Variants in NPAS1 observed in about 807,000 individuals in gnomAD.
The protein encoded by NPAS1 is neuronal PAS domain-containing protein 1.
A neutral mutation model predicts 49.2 loss-of-function variants in NPAS1; 29 were observed. The ratio of observed to expected loss-of-function variants is 0.59; its 90% CI spans 0.44 to 0.80. The LOEUF is 0.80. NPAS1 is among the 30% of genes least tolerant of loss of function. The pLI is 0.00. For synonymous variants in NPAS1, 408 were observed against 380.4 expected (o/e 1.07, Z -0.84); for missense variants, 825 against 835.5 (o/e 0.99, Z 0.15).
At chr19:47,037,541 T>A (rs903540071) in intron 6 of NPAS1, among the ~76,000 whole-genome samples, 2 of 151,978 alleles carry the variant, frequency 1.3e-5, no homozygotes, top group African/African-American at 4.8e-5. Context: ...TCAGCACGCC[T>A]AACCCTTCTC....
chr19:47,030,787 G>A (rs139973832), intron 3 of NPAS1, among the ~76,000 whole-genome samples: 2,183 of 151,838 alleles, frequency 0.014, 26 homozygotes, highest in South Asian at 0.044. Context: ...CCGAGTAGCT[G>A]GAATTATAGG....
At chr19:47,035,156 G>C (rs1215574626) in intron 5 of NPAS1, among the ~76,000 whole-genome samples, 1 of 149,204 alleles carries the variant, frequency 6.7e-6, no homozygotes, top group Admixed American at 6.7e-5. Context: ...ACTCCAGCCT[G>C]GGCAACAAGA....
At chr19:47,020,592 G>A (rs1279178998) in intron 1 of NPAS1, among the ~76,000 whole-genome samples, 6 of 151,914 alleles carry the variant, frequency 3.9e-5, no homozygotes, top group Non-Finnish European at 1.5e-5. Flanking sequence ...GGCTTGGGGG[G>A]CGGGTCCTCG....
rs2056953925 is a variant in NPAS1 at position 47,036,187 on chromosome 19, G to C, written c.688+58G>C. 20 of 1,502,722 alleles carry C rather than the reference G, an allele frequency of 1.3e-5. No individual in the cohort carries two copies. In the Admixed American group the frequency reaches 2.4e-4, roughly 18 times the overall value. 93.1% of individuals were successfully genotyped at this position (1,502,722 alleles called of 1,614,324 possible). A position where few individuals can be genotyped will look rare whatever the true frequency, so the allele number is the denominator to read the frequency against. ...GAGGGTAGATCGGGGGACGCCCGCT[G>C]TACTGTATCCAGCCATGCCGCGTTT... On this transcript the variant is annotated intron_variant, in intron 6 of 11. Transcript: ENST00000602212.
chr19:47,023,696 T>C (rs2056855329), intron 3 of NPAS1, among the ~76,000 whole-genome samples: 1 of 152,082 alleles, frequency 6.6e-6, no homozygotes. Context: ...CTCACATCCG[T>C]AATCCCAGCA....
chr19:47,045,539 C>CG lies in NPAS1; in HGVS notation c.1662dup (p.His555AlafsTer57). On this transcript the variant is annotated frameshift_variant, in exon 12 of 12. Transcript: ENST00000602212. LOFTEE classifies it high-confidence loss of function. ...CCCGCGGAGCTGGGCCTGGTGTACCCGCACCTGCAGAGGCTGGGTCCGGGC... is the reference window on the plus strand; with the variant it reads ...CCCGCGGAGCTGGGCCTGGTGTACCCGGCACCTGCAGAGGCTGGGTCCGGGC... 1 of 1,528,576 alleles carries CG rather than the reference C, an allele frequency of 6.5e-7. No homozygotes were observed. Among genetic ancestry groups the CG allele is most frequent in the Non-Finnish European group, 8.7e-7 (1 of 1,144,568 alleles). The allele number at this position is 1,528,576 out of a possible 1,614,324, so 94.7% of individuals were successfully genotyped here.
At chr19:47,044,298 C>G (rs1328018573) in intron 11 of NPAS1, among the ~76,000 whole-genome samples, 1 of 152,180 alleles carries the variant, frequency 6.6e-6, no homozygotes, top group African/African-American at 2.4e-5. Flanking sequence ...GTCTCGAACT[C>G]CTGACCTCAA....
At chr19:47,041,216 G>A in intron 10 of NPAS1, 91 bp downstream of exon 10, 1 of 1,290,576 alleles carries the variant, frequency 7.7e-7, no homozygotes, top group Non-Finnish European at 1.0e-6. Flanking sequence ...AGGGCTTCTA[G>A]AATGGGACAA....
intron 1 of NPAS1, 85 bp from the exon 2 acceptor site, chr19:47,020,906 CCAGCTCCTTGCTGGG>C: frequency 2.7e-6 from 1 of 374,982 alleles, no homozygotes; most frequent in South Asian, 5.4e-5. Context: ...CCCCCCCCCC[CCAGCTCCTTGCTGGG>C]ACCCTGAGCC....
At position 47,021,113 on chromosome 19, in the gene NPAS1, C is replaced by T. The variant is rs756644000; in HGVS notation, c.66C>T (p.Ala22=). The T allele has an allele frequency of 1.2e-6, 2 of 1,602,766 alleles. No homozygotes were observed. Among genetic ancestry groups the T allele is most frequent in the Admixed American group, 1.7e-5 (1 of 59,380 alleles). ...SEVKCVGGRG[A]SVPWDFLPGL... ...TCAAATGCGTGGGAGGCCGCGGCGC[C>T]AGCGTCCCCTGGGACTTTCTACCCG... Residue 22 remains alanine (A), a synonymous_variant, in exon 2 of 12, where the codon GCC becomes GCT. Coordinates refer to ENST00000602212, the MANE Select transcript of NPAS1 (RefSeq NM_002517.4). This position sits in a 1 kb window ranked among gnomAD's most constrained non-coding sequence, Gnocchi z 5.7.
At chr19:47,028,500 C>T (rs1482363033) in intron 3 of NPAS1, among the ~76,000 whole-genome samples, 1 of 152,120 alleles carries the variant, frequency 6.6e-6, no homozygotes, top group Non-Finnish European at 1.5e-5. Context: ...ATAGTAATCA[C>T]ACTATTAATA....
At chr19:47,031,624 G>A (rs1360120489) in intron 3 of NPAS1, among the ~76,000 whole-genome samples, 3 of 150,716 alleles carry the variant, frequency 2.0e-5, no homozygotes, top group Non-Finnish European at 4.4e-5. Flanking sequence ...TCTGCCTCCC[G>A]GTTTCAAGCG....
At position 47,035,830 on chromosome 19, in the gene NPAS1, CT is replaced by C. The variant is rs970257120; in HGVS notation, c.523-130del. On this transcript the variant is annotated intron_variant, in intron 5 of 11. Transcript: ENST00000602212. ...AAAGGTAATTGTTTTTTGTTTTTTT[CT>C]TTTCTTAAAAAAACACACTGGCATG... 7.8e-6 allele frequency: 7 copies of C among 900,168 alleles called. No individual in the cohort carries two copies. In the South Asian group the frequency reaches 1.4e-4, roughly 18 times the overall value. 55.8% of individuals were successfully genotyped at this position (900,168 alleles called of 1,614,324 possible). A position where few individuals can be genotyped will look rare whatever the true frequency, so the allele number is the denominator to read the frequency against.
chr19:47,021,909 G>A lies in NPAS1; in HGVS notation c.358+62G>A, dbSNP rs976800790. ...CTCCAGGCGGAGTCACTGCAGCCCAGATCCGGGCTGCGGGCCTGCCCTCGC... is the reference window on the plus strand; with the variant it reads ...CTCCAGGCGGAGTCACTGCAGCCCAAATCCGGGCTGCGGGCCTGCCCTCGC... On this transcript the variant is annotated intron_variant, in intron 3 of 11. Transcript: ENST00000602212. The surrounding 1 kb of genome is among the most constrained non-coding windows in gnomAD (Gnocchi z 5.7). 50 of 1,138,392 alleles carry A rather than the reference G, an allele frequency of 4.4e-5. No individual in the cohort carries two copies. In the East Asian group the frequency reaches 1.1e-3, roughly 26 times the overall value. The allele number at this position is 1,138,392 out of a possible 1,614,324, so 70.5% of individuals were successfully genotyped here. A position where few individuals can be genotyped will look rare whatever the true frequency, so the allele number is the denominator to read the frequency against.
chr19:47,039,518 G>A lies in NPAS1; in HGVS notation c.916G>A (p.Val306Ile), dbSNP rs745892207. The change falls in exon 8 of 12, where the codon GTC (valine) becomes ATC (isoleucine). Residue 306 changes from valine (V) to isoleucine (I), a missense_variant. Transcript: ENST00000602212. ...GCTGCCACTCCATGGACACATGATC[G>A]TCTTCCGTCTCAGCCTGGGTCTCAC... The part of the protein sequence containing the change: ...AELPLHGHMI[V>I]FRLSLGLTIL... 50 of 1,607,516 alleles carry A rather than the reference G, an allele frequency of 3.1e-5. No individual in the cohort carries two copies. Among genetic ancestry groups the A allele is most frequent in the Non-Finnish European group, 4.2e-5 (49 of 1,176,100 alleles).
chr19:47,029,303 C>T (rs1394012758), intron 3 of NPAS1, among the ~76,000 whole-genome samples: 1 of 151,938 alleles, frequency 6.6e-6, no homozygotes, highest in African/African-American at 2.4e-5. Context: ...AGGAAGGTCT[C>T]GAACTCCTGA....
At chr19:47,041,521 C>G (rs571276269) in intron 10 of NPAS1, among the ~76,000 whole-genome samples, 1 of 152,142 alleles carries the variant, frequency 6.6e-6, no homozygotes, top group Admixed American at 6.5e-5. Context: ...GGAAGGGCTC[C>G]AAGCAACAGC....
chr19:47,032,963 G>A (rs185719130), intron 5 of NPAS1, among the ~76,000 whole-genome samples: 5 of 152,272 alleles, frequency 3.3e-5, no homozygotes, highest in Admixed American at 1.3e-4. Flanking sequence ...TTTTTGAGAC[G>A]GAGTCTCGCT....
At chr19:47,040,662 C>T (rs1027783076) in intron 9 of NPAS1, 112 bp downstream of exon 9, 1 of 703,736 alleles carries the variant, frequency 1.4e-6, no homozygotes, top group South Asian at 1.7e-5. Context: ...CCTCCTGCTG[C>T]ACCTACAGCT....
Sources: gnomAD v4.1 joint callset for allele counts (sites outside exome capture counted in the v4.1 genomes callset) on GRCh38, gnomAD v4.1.1 for gene constraint, Gnocchi (gnomAD v3.1) non-coding constraint, MANE v1.5 for transcripts, NCBI Gene and HGNC (gene_info 2026-07-23, HGNC 2026-07-21) for gene names.